TMC3: variants seen among roughly 807,000 people sequenced by gnomAD.
TMC3 encodes transmembrane channel like 3.
In TMC3, 98 loss-of-function variants were observed where a neutral mutation model predicts 110.6. The observed-to-expected ratio is 0.89, with a 90% confidence interval of 0.75 to 1.05. The LOEUF is 1.05. TMC3 is among the 50% of genes least tolerant of loss of function. The pLI is 0.00. For synonymous variants in TMC3, 489 were observed against 513.1 expected (o/e 0.95, Z 0.63); for missense variants, 1,319 against 1,373.2 (o/e 0.96, Z 0.62).
Position 81,356,606 on chromosome 15 carries a change from G to A in TMC3, c.744-12C>T. 1 of 1,582,208 alleles carries A rather than the reference G, an allele frequency of 6.3e-7. No homozygotes were observed. Among genetic ancestry groups the A allele is most frequent in the Non-Finnish European group, 8.6e-7 (1 of 1,164,192 alleles). On this transcript the variant is annotated splice_polypyrimidine_tract_variant and intron_variant, in intron 7 of 21. Coordinates refer to ENST00000359440, the MANE Select transcript of TMC3 (RefSeq NM_001080532.3). ...AGTTCTTAGCCATCCTGCAAAAGAG[G>A]AGCACAAACAGGTCTTGGGAGTCTC... is the stretch of plus-strand genomic sequence containing the variant.
rs756945471 is a variant in TMC3, at chr15:81,358,430, T to C, written c.572A>G (p.Gln191Arg). 11 of 1,613,848 alleles carry C rather than the reference T, an allele frequency of 6.8e-6. No homozygotes were observed. The highest frequency in any genetic ancestry group is 3.3e-5 in the Admixed American group (2 of 60,008). Residue 191 changes from glutamine (Q) to arginine (R), a missense_variant, in exon 6 of 22, where the codon CAA (glutamine) becomes CGA (arginine). Transcript: ENST00000359440. ...TIPKEQVSSA[Q>R]DLDTVWSLGG... ...CAGAGACCAGACGGTGTCCAGGTCT[T>C]GGGCAGACGAAACCTGCTCCTTGGG... is the stretch of plus-strand genomic sequence containing the variant.
At chr15:81,349,243 G>C (rs891540039) in intron 11 of TMC3, among the ~76,000 whole-genome samples, 4 of 151,648 alleles carry the variant, frequency 2.6e-5, no homozygotes, top group Admixed American at 2.0e-4. Flanking sequence ...TTGTCATCCT[G>C]GTCCTCCTCC....
chr15:81,360,972 CTTTT>C (rs59270312), intron 4 of TMC3, among the ~76,000 whole-genome samples: 2 of 134,164 alleles, frequency 1.5e-5, no homozygotes, highest in Non-Finnish European at 1.6e-5. Context: ...ACGGTTTTCT[CTTTT>C]TTTTTTTTTT....
Position 81,332,732 on chromosome 15 carries a change from T to G in TMC3, c.2990A>C (p.Asn997Thr). The G allele has an allele frequency of 6.2e-7, 1 of 1,613,744 alleles. No homozygotes were observed. Among genetic ancestry groups the G allele is most frequent in the East Asian group, 2.2e-5 (1 of 44,880 alleles). ...CTCAAGGTGACCCTCAAAATCTTCATTCCACGACTTGTAGTGCACCCTCCC... is the reference window on the plus strand; with the variant it reads ...CTCAAGGTGACCCTCAAAATCTTCAGTCCACGACTTGTAGTGCACCCTCCC... ...HQGRVHYKSW[N>T]EDFEGHLERP... The change falls in exon 22 of 22, where the codon AAT (asparagine) becomes ACT (threonine). Residue 997 changes from asparagine (N) to threonine (T), a missense_variant. Coordinates refer to ENST00000359440, the MANE Select transcript of TMC3 (RefSeq NM_001080532.3).
At chr15:81,372,454 G>A in intron 2 of TMC3, 137 bp downstream of exon 2, 1 of 1,046,942 alleles carries the variant, frequency 9.6e-7, no homozygotes, top group Non-Finnish European at 1.4e-6. Context: ...ATATCTTTGT[G>A]ACTTTGCTAA....
In TMC3 at chr15:81,363,348, A is replaced by T. The variant is rs541519402; in HGVS notation, c.313-1047T>A. On this transcript the variant is annotated intron_variant, in intron 3 of 21. Transcript: ENST00000359440. ...CGAATAAAGCAAGATATGCCCTGAC[A>T]CTAGTTCTGCTTCCAACAAAGTTGG... Among the ~76,000 whole-genome samples the T allele has an allele frequency of 2.6e-5, 4 of 152,374 alleles. No homozygotes were observed. In the East Asian group the frequency reaches 7.7e-4, roughly 29 times the overall value.
chr15:81,373,955 T>C, intron 1 of TMC3, 34 bp downstream of exon 1: 1 of 1,600,192 alleles, frequency 6.2e-7, no homozygotes, highest in Non-Finnish European at 8.5e-7. Context: ...CACACCTGAC[T>C]CCTCTGCCCA....
At chr15:81,358,374 C>G in intron 6 of TMC3, 28 bp downstream of exon 6, 1 of 1,607,228 alleles carries the variant, frequency 6.2e-7, no homozygotes, top group Non-Finnish European at 8.5e-7. Context: ...TCCCTCAAGA[C>G]AAGAGTGTGG....
intron 16 of TMC3, among the ~76,000 whole-genome samples, chr15:81,340,993 A>G (rs757085879): frequency 6.6e-6 from 1 of 152,240 alleles, no homozygotes; most frequent in African/African-American, 2.4e-5. Context: ...GGCAAGCCTA[A>G]TTATGCCATT....
At chr15:81,336,809 C>T (rs1374912255) in intron 19 of TMC3, among the ~76,000 whole-genome samples, 158 bp from the exon 20 acceptor site, 1 of 152,132 alleles carries the variant, frequency 6.6e-6, no homozygotes, top group Non-Finnish European at 1.5e-5. Context: ...GCTCTGGGCT[C>T]GGGCCTGTTA....
In TMC3 at chr15:81,339,450, C is replaced by T. The variant is rs374749913; in HGVS notation, c.1899G>A (p.Leu633=). The T allele has an allele frequency of 1.2e-6, 2 of 1,610,342 alleles. No individual in the cohort carries two copies. The highest frequency in any genetic ancestry group is 2.7e-5 in the African/African-American group (2 of 75,000). Residue 633 remains leucine, a synonymous_variant, in exon 17 of 22, where the codon CTG becomes CTA. Coordinates refer to ENST00000359440, the MANE Select transcript of TMC3 (RefSeq NM_001080532.3). ...ATCGGACAATAGCAAAAATGGTTGG[C>T]AGCATGCACAGAAACAGCATAAACA... ...MLLFMLFLCM[L]PTIFAIVRYK... is the part of the protein sequence containing the mutation.
intron 3 of TMC3, among the ~76,000 whole-genome samples, chr15:81,363,486 C>T (rs1301413658): frequency 7.2e-5 from 11 of 152,194 alleles, no homozygotes; most frequent in Admixed American, 6.5e-5. Context: ...TATAAGACCA[C>T]ACATGGTCCC....
intron 9 of TMC3, 93 bp downstream of exon 9, chr15:81,355,632 A>G: frequency 1.2e-6 from 1 of 832,170 alleles, no homozygotes; most frequent in Non-Finnish European, 2.0e-6. Flanking sequence ...CCTGACAATT[A>G]TGAAAATAAG....
In TMC3 at chr15:81,332,390, A is replaced by G; in HGVS notation, c.*29T>C. On this transcript the variant is annotated 3_prime_UTR_variant, in exon 22 of 22. Coordinates refer to ENST00000359440, the MANE Select transcript of TMC3 (RefSeq NM_001080532.3). ...GGCCCAGCACTCCAACAGGGGCCTG[A>G]CCTCTAGGAACGGGACACTGGAGGA... The G allele has an allele frequency of 6.4e-7, 1 of 1,564,884 alleles. No individual in the cohort carries two copies. The highest frequency in any genetic ancestry group is 1.2e-5 in the South Asian group (1 of 83,046).
Position 81,368,198 on chromosome 15 carries a change from A to G in TMC3, c.312+55T>C, listed in dbSNP as rs1894357833. On this transcript the variant is annotated intron_variant, in intron 3 of 21. Coordinates refer to ENST00000359440, the MANE Select transcript of TMC3 (RefSeq NM_001080532.3). ...TCCACCTCCCTTGGCCTCCCAAAGCACTGGGATTACAGGTGTGAGCCACCG... is the reference window on the plus strand; with the variant it reads ...TCCACCTCCCTTGGCCTCCCAAAGCGCTGGGATTACAGGTGTGAGCCACCG... 7 of 1,320,410 alleles carry G rather than the reference A, an allele frequency of 5.3e-6. No individual in the cohort carries two copies. In the Admixed American group the frequency reaches 1.0e-4, roughly 19 times the overall value. The allele number at this position is 1,320,410 out of a possible 1,614,324, so 81.8% of individuals were successfully genotyped here. A position where few individuals can be genotyped will look rare whatever the true frequency, so the allele number is the denominator to read the frequency against.
intron 20 of TMC3, chr15:81,336,025 T>A (rs1295149729): frequency 6.6e-6 from 1 of 152,306 alleles, no homozygotes; most frequent in East Asian, 1.9e-4. Context: ...GTGCTGCTTT[T>A]CCTCTCCTAC....
At chr15:81,356,730 G>T in intron 7 of TMC3, 136 bp from the exon 8 acceptor site, 1 of 944,854 alleles carries the variant, frequency 1.1e-6, no homozygotes, top group East Asian at 2.7e-5. Flanking sequence ...TCACAGCTTG[G>T]ACAGGAGAGC....
chr15:81,353,492 G>A (rs1436845049), intron 9 of TMC3, among the ~76,000 whole-genome samples: 3 of 152,070 alleles, frequency 2.0e-5, no homozygotes, highest in Non-Finnish European at 4.4e-5. Context: ...TCCCTATACA[G>A]GTGTACCATT....
chr15:81,366,874 T>A (rs556025477), intron 3 of TMC3, among the ~76,000 whole-genome samples: 2 of 152,304 alleles, frequency 1.3e-5, no homozygotes, highest in South Asian at 2.1e-4. Context: ...ATTAAGAATA[T>A]TTTTGTTTCA....
Sources: gnomAD v4.1 joint callset for allele counts (sites outside exome capture counted in the v4.1 genomes callset) on GRCh38, gnomAD v4.1.1 for gene constraint, MANE v1.5 for transcripts, NCBI Gene and HGNC (gene_info 2026-07-23, HGNC 2026-07-21) for gene names.